Variants in CLINT1 observed in about 807,000 individuals in gnomAD.
The protein encoded by CLINT1 is clathrin interactor 1.
In CLINT1, 15 loss-of-function variants were observed where a neutral mutation model predicts 70.4. That is an observed-to-expected ratio of 0.21 (90% CI 0.14 to 0.33). The LOEUF (loss-of-function observed/expected upper bound fraction) is 0.33, where lower values mean the gene tolerates loss of function less well. Among genes scored for constraint, CLINT1 ranks in the 10% least tolerant of loss-of-function variants. The pLI is 1.00. For missense variants in CLINT1, 615 were observed against 778.1 expected, an observed-to-expected ratio of 0.79 and a Z score of 2.49; for synonymous variants, 227 against 254.7, an observed-to-expected ratio of 0.89 and a Z score of 1.04.
intron 10 of CLINT1, chr5:157,789,887 T>C: frequency 3.8e-6 from 1 of 265,978 alleles, no homozygotes; most frequent in Non-Finnish European, 7.2e-6. Flanking sequence ...GATACACAAG[T>C]GGACATTTAT....
chr5:157,814,924 T>G (rs921234730), intron 3 of CLINT1, among the ~76,000 whole-genome samples: 1 of 150,864 alleles, frequency 6.6e-6, no homozygotes, highest in South Asian at 2.1e-4. Context: ...TCTCAGCTAC[T>G]GAGGTGGCTG....
chr5:157,838,122 G>GTTTTTTTTTTTTTTTTTTTTTTTTT, intron 1 of CLINT1, among the ~76,000 whole-genome samples: 1 of 129,944 alleles, frequency 7.7e-6, no homozygotes, highest in Non-Finnish European at 1.6e-5. Flanking sequence ...AGGTTTTTTT[G>GTTTTTTTTTTTTTTTTTTTTTTTTT]TTTTTTTTTT....
chr5:157,827,139 T>A (rs144724009), intron 1 of CLINT1, among the ~76,000 whole-genome samples: 1 of 152,098 alleles, frequency 6.6e-6, no homozygotes, highest in African/African-American at 2.4e-5. Flanking sequence ...TCTTAAAATT[T>A]TTTTTCCAAA....
rs1030412445 is a variant in CLINT1, at chr5:157,804,759, T to C, written c.943-1040A>G. 4.6e-5 allele frequency among the ~76,000 whole-genome samples: 7 copies of C among 152,170 alleles called. No individual in the cohort carries two copies. The East Asian group carries it at 5.8e-4, about 13-fold the overall frequency. ...GACCAACATGGAGAAAGCCCGTCTC[T>C]ACTAAAAATACAAAAAAATTAGCCG... On this transcript the variant is annotated intron_variant, in intron 7 of 11. Transcript: ENST00000411809.
chr5:157,834,551 T>C (rs1369576818), intron 1 of CLINT1, among the ~76,000 whole-genome samples: 1 of 152,194 alleles, frequency 6.6e-6, no homozygotes, highest in Non-Finnish European at 1.5e-5. Flanking sequence ...TATCTAGCCT[T>C]TTCTCTCATT....
intron 8 of CLINT1, among the ~76,000 whole-genome samples, chr5:157,796,423 A>G (rs1762068944): frequency 6.6e-6 from 1 of 152,238 alleles, no homozygotes; most frequent in Non-Finnish European, 1.5e-5. Context: ...GAAACTTTAA[A>G]TAGTCGTCCT....
chr5:157,855,476 C>A (rs987342720), intron 1 of CLINT1, among the ~76,000 whole-genome samples: 5 of 152,184 alleles, frequency 3.3e-5, no homozygotes, highest in African/African-American at 1.2e-4. Context: ...CCTGCCACAT[C>A]GCCTTTTATG....
chr5:157,859,000 C>A lies in CLINT1; in HGVS notation c.-30G>T. ...CCCCGCGCGGGACGGTCCGCCGCCTCCCTCTCCTGCTCCCCACGGACCCCG... is the reference window on the plus strand; with the variant it reads ...CCCCGCGCGGGACGGTCCGCCGCCTACCTCTCCTGCTCCCCACGGACCCCG... On this transcript the variant is annotated 5_prime_UTR_variant, in exon 1 of 12. Transcript: ENST00000411809. The A allele has an allele frequency of 6.2e-7, 1 of 1,610,168 alleles. No individual in the cohort carries two copies. Among genetic ancestry groups the A allele is most frequent in the Non-Finnish European group, 8.5e-7 (1 of 1,178,378 alleles).
intron 1 of CLINT1, among the ~76,000 whole-genome samples, chr5:157,826,434 G>T (rs1224959178): frequency 1.3e-5 from 2 of 151,890 alleles, no homozygotes; most frequent in Non-Finnish European, 2.9e-5. Flanking sequence ...TATATGTAAA[G>T]TATTTATTTT....
intron 1 of CLINT1, among the ~76,000 whole-genome samples, chr5:157,828,360 A>G (rs1561660557): frequency 6.6e-6 from 1 of 152,206 alleles, no homozygotes; most frequent in Non-Finnish European, 1.5e-5. Context: ...ATGTGGCAGC[A>G]ATGGTACTTG....
intron 1 of CLINT1, among the ~76,000 whole-genome samples, chr5:157,829,310 T>G (rs1464857761): frequency 6.6e-6 from 1 of 152,232 alleles, no homozygotes; most frequent in African/African-American, 2.4e-5. Context: ...TATGTTTCTT[T>G]AAAACTTCCA....
intron 1 of CLINT1, among the ~76,000 whole-genome samples, chr5:157,856,044 A>C (rs1753748908): frequency 1.3e-5 from 2 of 152,202 alleles, no homozygotes. Flanking sequence ...TTCTGAAGTA[A>C]AACCTCACTG....
At chr5:157,814,871 A>G (rs531507365) in intron 3 of CLINT1, among the ~76,000 whole-genome samples, 1 of 151,994 alleles carries the variant, frequency 6.6e-6, no homozygotes, top group African/African-American at 2.4e-5. Flanking sequence ...CGTCTCTACT[A>G]AAAATACAAA....
intron 1 of CLINT1, among the ~76,000 whole-genome samples, chr5:157,823,172 C>T (rs1762929092): frequency 6.6e-6 from 1 of 152,008 alleles, no homozygotes; most frequent in Non-Finnish European, 1.5e-5. Context: ...ATACACACAC[C>T]CATACTAAGA....
chr5:157,803,716 A>G lies in CLINT1; in HGVS notation c.946T>C (p.Ser316Pro), dbSNP rs770552517. Reference sequence around the variant, plus strand: ...CCAGATGACTTGCTGCTAGGCACTGAAGTCTGAAAACACACACATAACTCA... The same window carrying G: ...CCAGATGACTTGCTGCTAGGCACTGGAGTCTGAAAACACACACATAACTCA... The part of the protein sequence containing the change: ...THTPQSSVKT[S>P]VPSSKSSGDL... Residue 316 changes from serine (S) to proline (P), a missense_variant, in exon 8 of 12, where the codon TCA becomes CCA. This residue lies in a region of CLINT1 where 374 missense variants were observed against 409.6 expected (regional missense o/e 0.91). Coordinates refer to ENST00000411809, the MANE Select transcript of CLINT1 (RefSeq NM_014666.4). 3 of 1,553,970 alleles carry G rather than the reference A, an allele frequency of 1.9e-6. No individual in the cohort carries two copies. The highest frequency in any genetic ancestry group is 4.6e-5 in the East Asian group (2 of 43,680).
At chr5:157,827,020 G>C (rs1763061938) in intron 1 of CLINT1, among the ~76,000 whole-genome samples, 1 of 152,014 alleles carries the variant, frequency 6.6e-6, no homozygotes, top group East Asian at 1.9e-4. Flanking sequence ...TTCCAGTATT[G>C]GTTCAATTAA....
intron 1 of CLINT1, chr5:157,823,896 G>A (rs1051917962): frequency 5.8e-5 from 9 of 154,048 alleles, no homozygotes; most frequent in East Asian, 1.9e-4. Flanking sequence ...CCTTAGGAGC[G>A]TGAACCCTGT....
intron 1 of CLINT1, among the ~76,000 whole-genome samples, chr5:157,827,963 G>A (rs1458935899): frequency 6.6e-6 from 1 of 152,108 alleles, no homozygotes; most frequent in Non-Finnish European, 1.5e-5. Flanking sequence ...TTTTGTCTCT[G>A]GCATATACTA....
rs532234641 is a variant in CLINT1 at position 157,805,506 on chromosome 5, G to A, written c.942+360C>T. Among the ~76,000 whole-genome samples the A allele has an allele frequency of 4.6e-5, 7 of 152,122 alleles. No individual in the cohort carries two copies. The South Asian group carries it at 1.2e-3, about 27-fold the overall frequency. On this transcript the variant is annotated intron_variant, in intron 7 of 11. Coordinates refer to ENST00000411809, the MANE Select transcript of CLINT1 (RefSeq NM_014666.4). ...CCTATATATCTCTTCTTACTCCCTC[G>A]TTTGTCATTTCTTAAAACTTTCAAA...
Sources: gnomAD v4.1 joint callset for allele counts (sites outside exome capture counted in the v4.1 genomes callset) on GRCh38, gnomAD v4.1.1 for gene constraint, gnomAD v4.1.1 regional missense constraint, MANE v1.5 for transcripts, NCBI Gene and HGNC (gene_info 2026-07-23, HGNC 2026-07-21) for gene names.